GABRB3: variants seen among roughly 807,000 people sequenced by gnomAD.
GABRB3 encodes the protein gamma-aminobutyric acid type A receptor subunit beta3.
A neutral mutation model predicts 52.1 loss-of-function variants in GABRB3; 14 were observed. The ratio of observed to expected loss-of-function variants is 0.27; its 90% confidence interval spans 0.18 to 0.42. The LOEUF is 0.42. Among genes scored for constraint, GABRB3 ranks in the 10% least tolerant of loss-of-function variants. The pLI is 1.00. For missense variants in GABRB3, 307 were observed against 609.1 expected, an observed-to-expected ratio of 0.50 and a Z score of 5.22; for synonymous variants, 260 against 232.3, an observed-to-expected ratio of 1.12 and a Z score of -1.08.
intron 3 of GABRB3, among the ~76,000 whole-genome samples, chr15:26,669,771 T>G (rs1030622221): frequency 6.6e-6 from 1 of 152,200 alleles, no homozygotes; most frequent in Non-Finnish European, 1.5e-5. Flanking sequence ...TACCTTTTCC[T>G]TCCATCTTCT....
At chr15:26,759,069 T>C (rs1890740345) in intron 3 of GABRB3, among the ~76,000 whole-genome samples, 1 of 152,186 alleles carries the variant, frequency 6.6e-6, no homozygotes, top group African/African-American at 2.4e-5. Context: ...AACTTAATAA[T>C]TTGCACATCC....
intron 3 of GABRB3, among the ~76,000 whole-genome samples, chr15:26,623,278 C>T (rs1194817692): frequency 6.6e-6 from 1 of 152,154 alleles, no homozygotes; most frequent in Non-Finnish European, 1.5e-5. Context: ...GGGCAGTGAC[C>T]ACAAGGTGGA....
chr15:26,632,645 T>C (rs764524016), intron 3 of GABRB3, among the ~76,000 whole-genome samples: 1 of 152,138 alleles, frequency 6.6e-6, no homozygotes, highest in Non-Finnish European at 1.5e-5. Flanking sequence ...CTTCACTAAA[T>C]AAACTGTTCA....
At chr15:26,599,260 G>A (rs1566766720) in intron 4 of GABRB3, among the ~76,000 whole-genome samples, 1 of 152,160 alleles carries the variant, frequency 6.6e-6, no homozygotes, top group South Asian at 2.1e-4. Flanking sequence ...ACATTCCAGA[G>A]ATGGAAAGGG....
chr15:26,646,395 C>A (rs1887006739), intron 3 of GABRB3, among the ~76,000 whole-genome samples: 1 of 152,164 alleles, frequency 6.6e-6, no homozygotes, highest in South Asian at 2.1e-4. Context: ...ATCAGTGTTT[C>A]ATTTCTTTTT....
chr15:26,734,065 T>C (rs571825805), intron 3 of GABRB3, among the ~76,000 whole-genome samples: 4 of 147,148 alleles, frequency 2.7e-5, no homozygotes, highest in African/African-American at 1.0e-4. Flanking sequence ...GTTTTGCTCT[T>C]GTTGCCCAGG....
intron 3 of GABRB3, among the ~76,000 whole-genome samples, chr15:26,730,281 G>A (rs961318685): frequency 1.3e-5 from 2 of 152,112 alleles, no homozygotes; most frequent in Non-Finnish European, 2.9e-5. Context: ...AGCCGGGCGT[G>A]GTAGCGGGCG....
At chr15:26,635,307 G>A (rs996698391) in intron 3 of GABRB3, among the ~76,000 whole-genome samples, 2 of 151,840 alleles carry the variant, frequency 1.3e-5, no homozygotes, top group Admixed American at 6.6e-5. Flanking sequence ...ACTGTGAGAC[G>A]TGTATCAGGC....
intron 8 of GABRB3, among the ~76,000 whole-genome samples, chr15:26,556,265 G>A (rs1246057731): frequency 6.6e-6 from 1 of 152,278 alleles, no homozygotes; most frequent in South Asian, 2.1e-4. Flanking sequence ...AGCACAGAGA[G>A]ATTTTTTGTT....
chr15:26,724,528 A>C (rs941660146), intron 3 of GABRB3, among the ~76,000 whole-genome samples: 6 of 152,164 alleles, frequency 3.9e-5, no homozygotes, highest in Non-Finnish European at 7.3e-5. Context: ...CAGCAAAATA[A>C]CCAACCAGCA....
intron 4 of GABRB3, among the ~76,000 whole-genome samples, chr15:26,592,403 A>G (rs1891240004): frequency 6.6e-6 from 1 of 152,246 alleles, no homozygotes; most frequent in African/African-American, 2.4e-5. Flanking sequence ...AAGCATAAAC[A>G]TTCTGAATAG....
chr15:26,579,618 T>C (rs1000060223), intron 6 of GABRB3, among the ~76,000 whole-genome samples: 14 of 152,352 alleles, frequency 9.2e-5, no homozygotes, highest in African/African-American at 3.1e-4. Flanking sequence ...CTTTACATTT[T>C]ACAAAGCACT....
chr15:26,666,441 T>G (rs954124146), intron 3 of GABRB3: 1 of 152,026 alleles, frequency 6.6e-6, no homozygotes, highest in Non-Finnish European at 1.5e-5. Flanking sequence ...CGTGGTGAAG[T>G]AAGGGGAGGC....
intron 3 of GABRB3, among the ~76,000 whole-genome samples, chr15:26,622,265 G>C (rs966457337): frequency 2.6e-5 from 4 of 152,140 alleles, no homozygotes; most frequent in Non-Finnish European, 5.9e-5. Context: ...AAATATCCAC[G>C]TGATGGTTCT....
intron 3 of GABRB3, among the ~76,000 whole-genome samples, chr15:26,674,157 T>A (rs1183614140): frequency 6.6e-6 from 1 of 150,522 alleles, no homozygotes; most frequent in African/African-American, 2.4e-5. Flanking sequence ...ATCCCAGCAC[T>A]TTGGGAGGCC....
intron 3 of GABRB3, among the ~76,000 whole-genome samples, chr15:26,729,285 T>C (rs1233616059): frequency 6.6e-6 from 1 of 152,070 alleles, no homozygotes; most frequent in Non-Finnish European, 1.5e-5. Context: ...GAGTGACATG[T>C]AGGTAATAAA....
At chr15:26,613,083 C>G (rs1166748550) in intron 4 of GABRB3, 1 of 152,592 alleles carries the variant, frequency 6.6e-6, no homozygotes, top group African/African-American at 2.4e-5. Context: ...TGCCACTGTA[C>G]TCCAGTCTGA....
chr15:26,688,583 G>A (rs959369572), intron 3 of GABRB3, among the ~76,000 whole-genome samples: 3 of 152,156 alleles, frequency 2.0e-5, no homozygotes, highest in African/African-American at 4.8e-5. Flanking sequence ...GTGTGTCACC[G>A]ATGCTATTTG....
intron 3 of GABRB3, among the ~76,000 whole-genome samples, chr15:26,738,366 A>G (rs1344588275): frequency 2.6e-5 from 4 of 152,176 alleles, no homozygotes; most frequent in Non-Finnish European, 5.9e-5. Context: ...TACAGGCATG[A>G]GCCACAGCAC....
Sources: allele counts gnomAD v4.1 joint callset (sites outside exome capture counted in the v4.1 genomes callset), GRCh38; gene constraint gnomAD v4.1.1; transcripts MANE v1.5; gene names NCBI Gene and HGNC (gene_info 2026-07-23, HGNC 2026-07-21).